ANK3: variants seen among roughly 807,000 people sequenced by gnomAD.
ANK3 encodes the protein ankyrin-3.
Under a neutral mutation model 370.9 loss-of-function variants are expected in ANK3, and 57 were observed. The ratio of observed to expected loss-of-function variants is 0.15; its 90% CI spans 0.12 to 0.19. ANK3 has a LOEUF of 0.19. ANK3 is among the 10% of genes least tolerant of loss of function. The pLI, the probability that ANK3 is intolerant of heterozygous loss-of-function variation, is 1.00. For missense variants in ANK3, 4,439 were observed against 5,302.1 expected (o/e 0.84, Z 5.06); for synonymous variants, 1,929 against 1,946.3 (o/e 0.99, Z 0.23).
intron 2 of ANK3, among the ~76,000 whole-genome samples, chr10:60,465,015 C>G (rs930437565): frequency 6.6e-6 from 1 of 152,164 alleles, no homozygotes; most frequent in East Asian, 1.9e-4. Context: ...CCTGTAATCT[C>G]GGCACTTTGG....
At chr10:60,726,815 C>T (rs1020944288) in intron 1 of ANK3, among the ~76,000 whole-genome samples, 10 of 152,052 alleles carry the variant, frequency 6.6e-5, no homozygotes, top group African/African-American at 2.4e-4. Flanking sequence ...CACAATAAAG[C>T]TGTTTTTAAA....
chr10:60,615,155 A>G, intron 2 of ANK3: 4 of 1,389,430 alleles, frequency 2.9e-6, no homozygotes, highest in Non-Finnish European at 3.8e-6. Context: ...AAAATAATAT[A>G]TTTGTTGAGT....
chr10:60,524,142 T>C (rs1458537924), intron 2 of ANK3, among the ~76,000 whole-genome samples: 1 of 152,108 alleles, frequency 6.6e-6, no homozygotes, highest in African/African-American at 2.4e-5. Context: ...CTCAGTGGTA[T>C]AACCAAAGAG....
chr10:60,359,096 C>A (rs1231063315), intron 1 of ANK3, among the ~76,000 whole-genome samples: 1 of 152,136 alleles, frequency 6.6e-6, no homozygotes, highest in Non-Finnish European at 1.5e-5. Context: ...GGGTCTCATG[C>A]TGTCTTATTC....
At chr10:60,041,921 ACTT>A (rs1402632377) in intron 43 of ANK3, among the ~76,000 whole-genome samples, 16 of 150,102 alleles carry the variant, frequency 1.1e-4, no homozygotes, top group Non-Finnish European at 1.6e-4. Context: ...CTTTCTTACT[ACTT>A]TAACCTGTGG....
chr10:60,494,840 G>T (rs115157149), intron 2 of ANK3, among the ~76,000 whole-genome samples: 2 of 152,102 alleles, frequency 1.3e-5, no homozygotes, highest in South Asian at 2.1e-4. Flanking sequence ...GTATATCGAT[G>T]TAAATATATA....
chr10:60,214,533 C>T (rs935498722), intron 8 of ANK3, among the ~76,000 whole-genome samples: 2 of 152,034 alleles, frequency 1.3e-5, no homozygotes, highest in African/African-American at 2.4e-5. Flanking sequence ...CCCAACAGGC[C>T]CTGGTGTGTG....
Position 60,151,329 on chromosome 10 carries a change from T to C in ANK3, c.2615-12242A>G, listed in dbSNP as rs10994223. Among the ~76,000 whole-genome samples the C allele has an allele frequency of 9.8e-3, 1,495 of 152,334 alleles. 27 individuals are homozygous for C. Among genetic ancestry groups the C allele is most frequent in the African/African-American group, 0.034 (1,426 of 41,588 alleles). ...GTCATGGAGGTGGATCCCCCATGAA[T>C]GGCTTGTGCCATCCCCTCTGTAAAG... On this transcript the variant is annotated intron_variant, in intron 23 of 43. Transcript: ENST00000280772.
At chr10:60,651,573 T>A (rs2078790258) in intron 1 of ANK3, among the ~76,000 whole-genome samples, 1 of 152,242 alleles carries the variant, frequency 6.6e-6, no homozygotes, top group African/African-American at 2.4e-5. Context: ...TGCTATATAA[T>A]GCAGCACAGA....
At chr10:60,239,008 T>G (rs2097377296) in intron 7 of ANK3, among the ~76,000 whole-genome samples, 1 of 152,110 alleles carries the variant, frequency 6.6e-6, no homozygotes, top group Non-Finnish European at 1.5e-5. Flanking sequence ...CAGAGTAAAT[T>G]GCTTTGTGGG....
At chr10:60,200,332 G>A in intron 12 of ANK3, 105 bp from the exon 13 acceptor site, 11 of 833,682 alleles carry the variant, frequency 1.3e-5, no homozygotes, top group Non-Finnish European at 2.2e-5. Context: ...ATAAAAAATA[G>A]TCCTAAGCAC....
At chr10:60,436,024 C>T (rs2064147706) in intron 2 of ANK3, among the ~76,000 whole-genome samples, 1 of 151,546 alleles carries the variant, frequency 6.6e-6, no homozygotes, top group Admixed American at 6.6e-5. Flanking sequence ...GAAGGCGGAG[C>T]TTGCAGTGAG....
chr10:60,343,442 T>C (rs1292947821), intron 1 of ANK3, among the ~76,000 whole-genome samples: 1 of 152,016 alleles, frequency 6.6e-6, no homozygotes, highest in Non-Finnish European at 1.5e-5. Flanking sequence ...AGAACCAAAA[T>C]TTCAAAAAAC....
intron 1 of ANK3, among the ~76,000 whole-genome samples, chr10:60,363,433 G>A (rs1281002048): frequency 6.6e-6 from 1 of 152,146 alleles, no homozygotes; most frequent in Non-Finnish European, 1.5e-5. Context: ...CCAACCACTT[G>A]TATCTGGATA....
At chr10:60,486,396 T>C (rs576962628) in intron 2 of ANK3, among the ~76,000 whole-genome samples, 10 of 152,256 alleles carry the variant, frequency 6.6e-5, no homozygotes, top group Admixed American at 1.3e-4. Flanking sequence ...CTGGCCAACA[T>C]GGCAAAACCA....
At chr10:60,672,718 C>T (rs553582019) in intron 1 of ANK3, among the ~76,000 whole-genome samples, 2 of 152,178 alleles carry the variant, frequency 1.3e-5, no homozygotes, top group African/African-American at 2.4e-5. Context: ...AGGAATGGGT[C>T]CTAGGAACCC....
At chr10:60,560,635 T>G (rs557791842) in intron 2 of ANK3, among the ~76,000 whole-genome samples, 21 of 152,356 alleles carry the variant, frequency 1.4e-4, no homozygotes, top group Admixed American at 3.3e-4. Context: ...CCAAGCTGTT[T>G]CCTGAACTTC....
intron 7 of ANK3, among the ~76,000 whole-genome samples, chr10:60,254,572 T>G (rs570908595): frequency 2.6e-5 from 4 of 152,338 alleles, no homozygotes; most frequent in South Asian, 4.1e-4. Flanking sequence ...ACTTTTAGCC[T>G]AGGCTTAGCC....
rs144620577 is a variant in ANK3 at position 60,566,547 on chromosome 10, G to T, written c.96+48639C>A. 1.7e-3 allele frequency among the ~76,000 whole-genome samples: 263 copies of T among 152,314 alleles called. 2 individuals are homozygous for T. Among genetic ancestry groups the T allele is most frequent in the African/African-American group, 6.2e-3 (257 of 41,570 alleles). ...AAGCAAGATAGCCTTATTGCTGCTAGGGAGAAGGTCTGAGTGCTGTGGATA... is the reference window on the plus strand; with the variant it reads ...AAGCAAGATAGCCTTATTGCTGCTATGGAGAAGGTCTGAGTGCTGTGGATA... On this transcript the variant is annotated intron_variant, in intron 2 of 43. Coordinates refer to the ANK3 transcript ENST00000373827.
Sources: gnomAD v4.1 joint callset for allele counts (sites outside exome capture counted in the v4.1 genomes callset) on GRCh38, gnomAD v4.1.1 for gene constraint, MANE v1.5 for transcripts, NCBI Gene and HGNC (gene_info 2026-07-23, HGNC 2026-07-21) for gene names.